RALGAPA1: variants seen among roughly 807,000 people sequenced by gnomAD.
The protein encoded by RALGAPA1 is Ral GTPase activating protein catalytic subunit alpha 1.
In RALGAPA1, 52 loss-of-function variants were observed where a neutral mutation model predicts 269.6. That is an observed-to-expected ratio of 0.19 (90% confidence interval 0.15 to 0.24). The LOEUF (loss-of-function observed/expected upper bound fraction) is 0.24, where lower values mean the gene tolerates loss of function less well. RALGAPA1 is among the 10% of genes least tolerant of loss of function. The pLI is 1.00. For missense variants in RALGAPA1, 1,917 were observed against 3,013.9 expected (o/e 0.64, Z 8.52); for synonymous variants, 817 against 1,008.3 (o/e 0.81, Z 3.60).
chr14:35,747,295 A>G (rs575200338), intron 10 of RALGAPA1, among the ~76,000 whole-genome samples: 2 of 152,346 alleles, frequency 1.3e-5, no homozygotes, highest in African/African-American at 4.8e-5. Context: ...CAAACACAAG[A>G]AGAAATGCCT....
intron 37 of RALGAPA1, among the ~76,000 whole-genome samples, chr14:35,577,232 A>G (rs1221641286): frequency 6.6e-6 from 1 of 152,088 alleles, no homozygotes; most frequent in Non-Finnish European, 1.5e-5. Flanking sequence ...TGAAAATCAG[A>G]TGTTCACCCA....
chr14:35,551,512 A>C (rs1338303666), intron 39 of RALGAPA1, among the ~76,000 whole-genome samples: 2 of 152,220 alleles, frequency 1.3e-5, no homozygotes, highest in Non-Finnish European at 2.9e-5. Flanking sequence ...ATGCTTCATG[A>C]AAAGTAGGGT....
chr14:35,734,095 G>T (rs1471980465), intron 12 of RALGAPA1, among the ~76,000 whole-genome samples: 1 of 151,966 alleles, frequency 6.6e-6, no homozygotes, highest in Non-Finnish European at 1.5e-5. Context: ...CTCATGGATG[G>T]GTAAAATCAA....
At chr14:35,700,421 T>A in intron 16 of RALGAPA1, 119 bp from the exon 17 acceptor site, 64 of 504,840 alleles carry the variant, frequency 1.3e-4, no homozygotes, top group Non-Finnish European at 1.7e-4. Context: ...GGAAGGAAAT[T>A]ATAAATTAAA....
At position 35,723,135 on chromosome 14, in the gene RALGAPA1, T is replaced by G. The variant is rs761809492; in HGVS notation, c.1996A>C (p.Met666Leu). The G allele has an allele frequency of 1.9e-6, 3 of 1,608,966 alleles. No homozygotes were observed. Among genetic ancestry groups the G allele is most frequent in the Admixed American group, 1.7e-5 (1 of 60,012 alleles). ...GCTAAAACTTTAGTTAATGTCTCCA[T>G]AGTCAGTGACCACTCAGTGGCCAAC... ...EELATEWSLT[M>L]ETLTKVLARN... Residue 666 changes from methionine (M) to leucine (L), a missense_variant, in exon 15 of 42, where the codon ATG becomes CTG. By Grantham distance (15) the Met-to-Leu change is conservative (BLOSUM62 2). This residue lies in a region of RALGAPA1 where 40 missense variants were observed against 112.6 expected (regional missense o/e 0.36). Coordinates refer to ENST00000680220, the MANE Select transcript of RALGAPA1 (RefSeq NM_001346249.2).
At position 35,689,499 on chromosome 14, in the gene RALGAPA1, G is replaced by A; in HGVS notation, c.2912C>T (p.Ala971Val). Residue 971 changes from alanine (A) to valine (V), a missense_variant, in exon 18 of 42, where the codon GCA becomes GTA. By Grantham distance (64) the Ala-to-Val change is moderately conservative. Around this residue, in one of 11 missense-constraint regions of RALGAPA1, gnomAD observed 615 missense variants for 790.0 expected, o/e 0.78. Transcript: ENST00000680220. The part of the protein sequence containing the change: ...KDPASQEVTI[A>V]VNRGERLSLD... ...GGATAATCTTTCACCCCTATTTACT[G>A]CAATAGTCACTTCCTGAGAAGCTGG... 3.4e-5 allele frequency: 42 copies of A among 1,238,286 alleles called. No homozygotes were observed. The highest frequency in any genetic ancestry group is 4.1e-5 in the Non-Finnish European group (41 of 992,330). 76.7% of individuals were successfully genotyped at this position (1,238,286 alleles called of 1,614,324 possible).
chr14:35,738,831 C>T (rs1361743881), intron 11 of RALGAPA1, among the ~76,000 whole-genome samples, 181 bp from the exon 12 acceptor site: 2 of 152,028 alleles, frequency 1.3e-5, no homozygotes, highest in Non-Finnish European at 2.9e-5. Flanking sequence ...AAAGGATTCT[C>T]AATGACAAAA....
chr14:35,645,389 G>GTGTGTA (rs945897888), intron 31 of RALGAPA1, among the ~76,000 whole-genome samples: 2 of 141,258 alleles, frequency 1.4e-5, no homozygotes, highest in African/African-American at 5.3e-5. Flanking sequence ...GTGTGTGTGT[G>GTGTGTA]TATATGTTAT....
At chr14:35,668,053 G>A (rs1691546529) in intron 26 of RALGAPA1, among the ~76,000 whole-genome samples, 1 of 152,166 alleles carries the variant, frequency 6.6e-6, no homozygotes, top group Non-Finnish European at 1.5e-5. Context: ...GCCAAGCACA[G>A]AAAGACAAAT....
In RALGAPA1 at chr14:35,689,501, A is replaced by T. The variant is rs1264045871; in HGVS notation, c.2910T>A (p.Ile970=). The T allele has an allele frequency of 4.0e-6, 5 of 1,238,576 alleles. No individual in the cohort carries two copies. Among genetic ancestry groups the T allele is most frequent in the Non-Finnish European group, 5.0e-6 (5 of 992,510 alleles). 76.7% of individuals were successfully genotyped at this position (1,238,576 alleles called of 1,614,324 possible). A position where few individuals can be genotyped will look rare whatever the true frequency, so the allele number is the denominator to read the frequency against. The change falls in exon 18 of 42, where the codon ATT becomes ATA. Residue 970 remains isoleucine (I), a synonymous_variant. Transcript: ENST00000680220. ...GKDPASQEVT[I]AVNRGERLSL... ...ATAATCTTTCACCCCTATTTACTGCAATAGTCACTTCCTGAGAAGCTGGGT... is the reference window on the plus strand; with the variant it reads ...ATAATCTTTCACCCCTATTTACTGCTATAGTCACTTCCTGAGAAGCTGGGT...
At chr14:35,539,715 C>T in intron 41 of RALGAPA1, 25 bp from the exon 42 acceptor site, 1 of 1,611,744 alleles carries the variant, frequency 6.2e-7, no homozygotes, top group Non-Finnish European at 8.5e-7. Context: ...AAGAGCATTA[C>T]TACAGTTATC....
intron 17 of RALGAPA1, among the ~76,000 whole-genome samples, chr14:35,691,064 C>T (rs1056776159): frequency 3.3e-5 from 5 of 150,466 alleles, no homozygotes; most frequent in South Asian, 2.1e-4. Flanking sequence ...AGCAAAACTC[C>T]GTCTCAAATA....
Position 35,762,245 on chromosome 14 carries a change from G to T in RALGAPA1, c.369+465C>A, listed in dbSNP as rs551195155. 4.1e-5 allele frequency among the ~76,000 whole-genome samples: 6 copies of T among 148,066 alleles called. No homozygotes were observed. The South Asian group carries it at 1.3e-3, about 32-fold the overall frequency. ...GGTTTGTCAAACAAACTCTTGCTACGTTTTTTTTTTGTTTTTGTTTTTGTT... is the reference window on the plus strand; with the variant it reads ...GGTTTGTCAAACAAACTCTTGCTACTTTTTTTTTTTGTTTTTGTTTTTGTT... On this transcript the variant is annotated intron_variant, in intron 5 of 41. Transcript: ENST00000680220.
intron 31 of RALGAPA1, among the ~76,000 whole-genome samples, chr14:35,643,347 A>C (rs1388227117): frequency 6.6e-6 from 1 of 152,122 alleles, no homozygotes; most frequent in Non-Finnish European, 1.5e-5. Flanking sequence ...TAATAAAATA[A>C]ATAAAATAAA....
intron 3 of RALGAPA1, among the ~76,000 whole-genome samples, chr14:35,771,291 G>A (rs112853075): frequency 4.6e-5 from 7 of 152,204 alleles, no homozygotes; most frequent in East Asian, 3.9e-4. Flanking sequence ...CTACTCAGGA[G>A]GCTGAGGCAG....
At chr14:35,562,294 G>C (rs2056325037) in intron 39 of RALGAPA1, among the ~76,000 whole-genome samples, 1 of 152,068 alleles carries the variant, frequency 6.6e-6, no homozygotes, top group Non-Finnish European at 1.5e-5. Context: ...CACTTTCCTT[G>C]CCTTACAGCA....
rs559213852 is a variant in RALGAPA1 at position 35,771,662 on chromosome 14, T to C, written c.268-663A>G. On this transcript the variant is annotated intron_variant, in intron 3 of 41. Transcript: ENST00000680220. ...GCTTATTTACTATTTCTAGATTTTCTTTTTTTTCCCCCTTTAGAGACAGAG... is the reference window on the plus strand; with the variant it reads ...GCTTATTTACTATTTCTAGATTTTCCTTTTTTTCCCCCTTTAGAGACAGAG... 2.7e-3 allele frequency among the ~76,000 whole-genome samples: 415 copies of C among 151,496 alleles called. 2 individuals carry two copies. The highest frequency in any genetic ancestry group is 9.8e-3 in the African/African-American group (405 of 41,120).
intron 16 of RALGAPA1, among the ~76,000 whole-genome samples, chr14:35,709,863 G>A (rs1236413481): frequency 1.3e-5 from 2 of 151,950 alleles, no homozygotes; most frequent in East Asian, 1.9e-4. Context: ...TTTTTCCATC[G>A]ATTTATAGTT....
intron 35 of RALGAPA1, among the ~76,000 whole-genome samples, chr14:35,619,778 C>T (rs993279576): frequency 6.6e-6 from 1 of 152,180 alleles, no homozygotes; most frequent in African/African-American, 2.4e-5. Flanking sequence ...GACACATACA[C>T]CCTCCCAGGA....
Sources: allele counts gnomAD v4.1 joint callset (sites outside exome capture counted in the v4.1 genomes callset), GRCh38; gene constraint gnomAD v4.1.1; regional missense constraint gnomAD v4.1.1; transcripts MANE v1.5; gene names NCBI Gene and HGNC (gene_info 2026-07-23, HGNC 2026-07-21).